IGSF8: variants seen among roughly 807,000 people sequenced by gnomAD.
IGSF8 encodes the protein immunoglobulin superfamily member 8.
IGSF8 carries 46 observed loss-of-function variants against 55.5 expected under a neutral mutation model. The observed-to-expected ratio is 0.83, with a 90% CI of 0.65 to 1.06. The LOEUF (loss-of-function observed/expected upper bound fraction) is 1.06, where lower values mean the gene tolerates loss of function less well. IGSF8 is among the 50% of genes least tolerant of loss of function. The pLI is 0.00. For missense variants in IGSF8, 731 were observed against 832.3 expected (o/e 0.88, Z 1.50); for synonymous variants, 314 against 356.1 (o/e 0.88, Z 1.33).
intron 4 of IGSF8, 91 bp from the exon 5 acceptor site, chr1:160,092,786 G>A (rs932062793): frequency 1.3e-6 from 2 of 1,513,556 alleles, no homozygotes; most frequent in Admixed American, 1.8e-5. Flanking sequence ...GAAACTCAGG[G>A]TATTCCCACA....
At chr1:160,098,354 G>T in intron 1 of IGSF8, 55 bp downstream of exon 1, 1 of 1,549,460 alleles carries the variant, frequency 6.5e-7, no homozygotes, top group Non-Finnish European at 8.7e-7. Flanking sequence ...GGGGGGTGCT[G>T]GATGGCAGGC....
At chr1:160,098,690 C>G (rs1650630335), upstream of IGSF8, 1 of 517,134 alleles carries the variant, frequency 1.9e-6, no homozygotes, top group Admixed American at 3.8e-5. Flanking sequence ...TCGCCCCGGC[C>G]CGCCCCGGCA....
chr1:160,098,394 G>T lies in IGSF8; in HGVS notation c.64+15C>A. 4.5e-6 allele frequency: 7 copies of T among 1,552,328 alleles called. No homozygotes were observed. Among genetic ancestry groups the T allele is most frequent in the Non-Finnish European group, 6.1e-6 (7 of 1,147,162 alleles). ...GCCCGGCAGGGCCGGGAACCGGAAC[G>T]GGGGCCTGGCTTACCTAGCATTAGC... On this transcript the variant is annotated intron_variant, in intron 1 of 6. Transcript: ENST00000314485.
Position 160,092,646 on chromosome 1 carries a change from G to A in IGSF8, c.1362C>T (p.Arg454=), listed in dbSNP as rs764578099. The A allele has an allele frequency of 1.7e-5, 27 of 1,601,680 alleles. No individual in the cohort carries two copies. The highest frequency in any genetic ancestry group is 1.6e-4 in the Middle Eastern group (1 of 6,082). ...TGCACAGCAGGGAGGCAGTCTCCCC[G>A]CGGTACACTGTGCCTCCTGCTAGCC... ...VAWLAGGTVY[R]GETASLLCNI... is the part of the protein sequence containing the mutation. Residue 454 remains arginine (R), a synonymous_variant, in exon 5 of 7, where the codon CGC becomes CGT. Transcript: ENST00000314485.
Position 160,094,013 on chromosome 1 carries a change from A to C in IGSF8, c.601T>G (p.Ser201Ala). 1 of 1,614,180 alleles carries C rather than the reference A, an allele frequency of 6.2e-7. No homozygotes were observed. Among genetic ancestry groups the C allele is most frequent in the Non-Finnish European group, 8.5e-7 (1 of 1,180,042 alleles). The change falls in exon 3 of 7, where the codon TCC (serine) becomes GCC (alanine). Residue 201 changes from serine to alanine, a missense_variant. Transcript: ENST00000314485. The surrounding 1 kb of genome is among the most constrained non-coding windows in gnomAD (Gnocchi z 4.0). ...GCCTCGGGCACAGATCGCCCAAAGG[A>C]CACTGCCAGGTGTGTGTGCTTCTGT... ...STQKHTHLAV[S>A]FGRSVPEAPV...
rs779796621 is a variant in IGSF8 at position 160,098,328 on chromosome 1, G to A, written c.64+81C>T. 3.4e-5 allele frequency: 51 copies of A among 1,510,462 alleles called. No individual in the cohort carries two copies. In the East Asian group the frequency reaches 1.0e-3, roughly 30 times the overall value. The allele number at this position is 1,510,462 out of a possible 1,614,324, so 93.6% of individuals were successfully genotyped here. A position where few individuals can be genotyped will look rare whatever the true frequency, so the allele number is the denominator to read the frequency against. ...TACCCCTGACGGAGGAGGATGTGAG[G>A]AGCCCCGAAATGCTAGGGGGGTGCT... On this transcript the variant is annotated intron_variant, in intron 1 of 6. Coordinates refer to ENST00000314485, the MANE Select transcript of IGSF8 (RefSeq NM_052868.6).
Position 160,091,819 on chromosome 1 carries a change from G to A in IGSF8, c.*4C>T, listed in dbSNP as rs765798300. On this transcript the variant is annotated 3_prime_UTR_variant, in exon 6 of 7. Transcript: ENST00000314485. Reference sequence around the variant, plus strand: ...TTCTTTTCCCTCACCTGGGGAGTAAGGGATCACCGTTTTCGAAGCCTCTTC... The same window carrying A: ...TTCTTTTCCCTCACCTGGGGAGTAAAGGATCACCGTTTTCGAAGCCTCTTC... The A allele has an allele frequency of 1.1e-5, 18 of 1,606,440 alleles. No individual in the cohort carries two copies. The highest frequency in any genetic ancestry group is 3.3e-5 in the Admixed American group (2 of 59,986).
rs751335286 is a variant in IGSF8, at chr1:160,092,904, A to G, written c.1312+20T>C. ...GGTTGACAATCCTCGAACCCCGTCC[A>G]GGGCCCAGCCCCCTCTCACCTTCCT... On this transcript the variant is annotated intron_variant, in intron 4 of 6. Coordinates refer to ENST00000314485, the MANE Select transcript of IGSF8 (RefSeq NM_052868.6). 5 of 1,580,336 alleles carry G rather than the reference A, an allele frequency of 3.2e-6. No individual in the cohort carries two copies. The highest frequency in any genetic ancestry group is 4.3e-6 in the Non-Finnish European group (5 of 1,156,920).
At chr1:160,097,622 C>A (rs1428999791) in intron 1 of IGSF8, 2 of 937,068 alleles carry the variant, frequency 2.1e-6, no homozygotes, top group African/African-American at 3.6e-5. Context: ...TACAGGGAGC[C>A]CTCCAGTTCA....
rs886256494 is a variant in IGSF8 at position 160,098,599 on chromosome 1, G to C, written c.-127C>G. 7.9e-6 allele frequency: 5 copies of C among 631,210 alleles called. No individual in the cohort carries two copies. In the African/African-American group the frequency reaches 9.6e-5, roughly 12 times the overall value. 39.1% of individuals were successfully genotyped at this position (631,210 alleles called of 1,614,324 possible). Reference sequence around the variant, plus strand: ...AGCGAGGCGTGGGTGCGCCGAGCGAGCTGAACTGGAGCTGCCGAATCCCCT... The same window carrying C: ...AGCGAGGCGTGGGTGCGCCGAGCGACCTGAACTGGAGCTGCCGAATCCCCT... On this transcript the variant is annotated 5_prime_UTR_variant, in exon 1 of 7. Transcript: ENST00000314485.
chr1:160,093,587 ACT>A (rs1316489795), intron 3 of IGSF8, 121 bp downstream of exon 3: 2 of 864,982 alleles, frequency 2.3e-6, no homozygotes, highest in African/African-American at 1.7e-5. Context: ...AAGGCTGCTC[ACT>A]CTGTGGAAGA....
Position 160,093,775 on chromosome 1 carries a change from T to C in IGSF8, c.839A>G (p.Asp280Gly), listed in dbSNP as rs144292107. 22 of 1,613,962 alleles carry C rather than the reference T, an allele frequency of 1.4e-5. No individual in the cohort carries two copies. The African/African-American group carries it at 2.8e-4, about 21-fold the overall frequency. ...CTAAEWIQDP[D>G]GSWAQIAEKR... Reference sequence around the variant, plus strand: ...CTCTGCAATCTGGGCCCAGCTGCCATCAGGATCCTGAATCCACTCAGCGGC... The same window carrying C: ...CTCTGCAATCTGGGCCCAGCTGCCACCAGGATCCTGAATCCACTCAGCGGC... The change falls in exon 3 of 7, where the codon GAT (aspartate) becomes GGT (glycine). Residue 280 changes from aspartate to glycine, a missense_variant. Transcript: ENST00000314485.
At position 160,093,692 on chromosome 1, in the gene IGSF8, T is replaced by C. The variant is rs201886766; in HGVS notation, c.904+18A>G. 1.3e-6 allele frequency: 2 copies of C among 1,574,118 alleles called. No homozygotes were observed. The highest frequency in any genetic ancestry group is 3.4e-5 in the Admixed American group (2 of 58,080). ...GTCCCTCCCAGCTCCCACAGTGGGA[T>C]GTATAAGTGGCACTTACACAGCGTC... On this transcript the variant is annotated intron_variant, in intron 3 of 6. Coordinates refer to ENST00000314485, the MANE Select transcript of IGSF8 (RefSeq NM_052868.6).
chr1:160,098,074 G>A, intron 1 of IGSF8: 1 of 723,478 alleles, frequency 1.4e-6, no homozygotes, highest in Non-Finnish European at 1.7e-6. Flanking sequence ...CTGAGTGTGG[G>A]GCAGAAAGGA....
Position 160,092,555 on chromosome 1 carries a change from C to T in IGSF8, c.1453G>A (p.Glu485Lys). The change falls in exon 5 of 7, where the codon GAG becomes AAG. Residue 485 changes from glutamate to lysine, a missense_variant. Transcript: ENST00000314485. Reference sequence around the variant, plus strand: ...GGGACAGAGCTGAGCTCTCCGTCCTCTGGTCGCTCCACCCACCAGCTGGCG... The same window carrying T: ...GGGACAGAGCTGAGCTCTCCGTCCTTTGGTCGCTCCACCCACCAGCTGGCG... ...LAASWWVERP[E>K]DGELSSVPAQ... is the part of the protein sequence containing the mutation. The T allele has an allele frequency of 6.2e-7, 1 of 1,611,140 alleles. No individual in the cohort carries two copies. Among genetic ancestry groups the T allele is most frequent in the South Asian group, 1.1e-5 (1 of 91,020 alleles).
rs1557986134 is a variant in IGSF8 at position 160,092,912 on chromosome 1, G to GC, written c.1312+11dup. On this transcript the variant is annotated intron_variant, in intron 4 of 6. Coordinates refer to ENST00000314485, the MANE Select transcript of IGSF8 (RefSeq NM_052868.6). ...ATCCTCGAACCCCGTCCAGGGCCCA[G>GC]CCCCCTCTCACCTTCCTCCCGCACA... The GC allele has an allele frequency of 4.4e-6, 7 of 1,586,354 alleles. No homozygotes were observed. Among genetic ancestry groups the GC allele is most frequent in the African/African-American group, 2.7e-5 (2 of 74,402 alleles).
chr1:160,094,099 G>A lies in IGSF8; in HGVS notation c.515C>T (p.Pro172Leu). Reference sequence around the variant, plus strand: ...CTGCCCCTCATGCACCGTCATGCGTGGGGGTGAGGTTGGGGCCTGGCGGCC... The same window carrying A: ...CTGCCCCTCATGCACCGTCATGCGTAGGGGTGAGGTTGGGGCCTGGCGGCC... ...PRGRQAPTSP[P>L]RMTVHEGQEL... Residue 172 changes from proline (P) to leucine (L), a missense_variant, in exon 3 of 7, where the codon CCA (proline) becomes CTA (leucine). Physicochemically the swap from Pro to Leu is moderately conservative, Grantham distance 98. Coordinates refer to ENST00000314485, the MANE Select transcript of IGSF8 (RefSeq NM_052868.6). This position sits in a 1 kb window ranked among gnomAD's most constrained non-coding sequence, Gnocchi z 4.0. 6.2e-7 allele frequency: 1 copy of A among 1,611,612 alleles called. No homozygotes were observed. Among genetic ancestry groups the A allele is most frequent in the South Asian group, 1.1e-5 (1 of 91,080 alleles).
rs1164913848 is a variant in IGSF8 at position 160,093,331 on chromosome 1, G to A, written c.905C>T (p.Ser302Phe). Residue 302 changes from serine to phenylalanine, a missense_variant and splice_region_variant, in exon 4 of 7, where the codon TCC becomes TTC. Transcript: ENST00000314485. ...CCCCACTGTCACTGCCAGCTGGCTG[G>A]CTGAAACACAGGTAGGGGAAGAGGT... is the stretch of plus-strand genomic sequence containing the variant. ...VLAHVDVQTL[S>F]SQLAVTVGPG... 8.2e-6 allele frequency: 13 copies of A among 1,579,778 alleles called. No individual in the cohort carries two copies. The highest frequency in any genetic ancestry group is 1.0e-5 in the Non-Finnish European group (12 of 1,155,414).
rs373306611 is a variant in IGSF8 at position 160,092,029 on chromosome 1, C to T, written c.1727-91G>A. The T allele has an allele frequency of 4.1e-5, 38 of 937,206 alleles. No individual in the cohort carries two copies. The South Asian group carries it at 5.3e-4, about 13-fold the overall frequency. 58.1% of individuals were successfully genotyped at this position (937,206 alleles called of 1,614,324 possible). A position where few individuals can be genotyped will look rare whatever the true frequency, so the allele number is the denominator to read the frequency against. On this transcript the variant is annotated intron_variant, in intron 5 of 6. Transcript: ENST00000314485. ...CGCTTTCCCCATCAAGTTCTCTGAA[C>T]CCACCTTCTCCATTCACAGACACCC...
Sources: gnomAD v4.1 joint callset for allele counts on GRCh38, gnomAD v4.1.1 for gene constraint, Gnocchi (gnomAD v3.1) non-coding constraint, MANE v1.5 for transcripts, NCBI Gene and HGNC (gene_info 2026-07-23, HGNC 2026-07-21) for gene names.